The following C1orf21 variants were observed in gnomAD, a reference collection of about 807,000 sequenced individuals.
C1orf21 encodes chromosome 1 open reading frame 21.
Under a neutral mutation model 18.7 loss-of-function variants are expected in C1orf21, and 3 were observed. The observed-to-expected ratio is 0.16, with a 90% CI of 0.07 to 0.42. The LOEUF (loss-of-function observed/expected upper bound fraction) is 0.42, where lower values mean the gene tolerates loss of function less well. Ranked by LOEUF, C1orf21 falls within the 10% of genes least tolerant of loss-of-function variation. The pLI is 0.99. For synonymous variants in C1orf21, 41 were observed against 46.4 expected (o/e 0.88, Z 0.47); for missense variants, 104 against 143.6 (o/e 0.72, Z 1.41).
intron 1 of C1orf21, among the ~76,000 whole-genome samples, chr1:184,475,175 G>C (rs963245571): frequency 6.6e-5 from 10 of 152,150 alleles, no homozygotes; most frequent in African/African-American, 2.4e-4. Flanking sequence ...CAGGTTGACA[G>C]AATGGACCTC....
At chr1:184,420,164 G>C (rs1235146741) in intron 1 of C1orf21, among the ~76,000 whole-genome samples, 1 of 151,724 alleles carries the variant, frequency 6.6e-6, no homozygotes, top group East Asian at 1.9e-4. Context: ...TGAAATATCT[G>C]ATTACTCTCT....
chr1:184,433,169 A>G (rs556004910), intron 1 of C1orf21, among the ~76,000 whole-genome samples: 3 of 152,140 alleles, frequency 2.0e-5, no homozygotes, highest in Non-Finnish European at 2.9e-5. Context: ...CCATGATTGT[A>G]GGGATGTGGT....
intron 1 of C1orf21, among the ~76,000 whole-genome samples, chr1:184,447,062 C>A (rs1434456048): frequency 6.6e-6 from 1 of 152,064 alleles, no homozygotes; most frequent in Non-Finnish European, 1.5e-5. Flanking sequence ...CTGTACTGCC[C>A]ATTACTTCAC....
chr1:184,460,497 G>T (rs937277260), intron 1 of C1orf21, among the ~76,000 whole-genome samples: 7 of 149,162 alleles, frequency 4.7e-5, no homozygotes, highest in Non-Finnish European at 8.9e-5. Context: ...CAAGCAGAGG[G>T]AATAAAAATG....
rs541995632 is a variant in C1orf21, at chr1:184,628,922, T to C, written c.*9366T>C. 8 of 152,770 alleles carry C rather than the reference T, an allele frequency of 5.2e-5. No homozygotes were observed. The East Asian group carries it at 1.5e-3, about 29-fold the overall frequency. 9.5% of individuals were successfully genotyped at this position (152,770 alleles called of 1,614,324 possible). ...CCATTTTGAAAAGGGTCTGAGAAAGTGTACAGGTCTAATTATATATACATA... is the reference window on the plus strand; with the variant it reads ...CCATTTTGAAAAGGGTCTGAGAAAGCGTACAGGTCTAATTATATATACATA... On this transcript the variant is annotated 3_prime_UTR_variant, in exon 6 of 6. Coordinates refer to ENST00000235307, the MANE Select transcript of C1orf21 (RefSeq NM_030806.4).
chr1:184,478,839 A>G (rs75770356), intron 2 of C1orf21, among the ~76,000 whole-genome samples: 3 of 152,156 alleles, frequency 2.0e-5, no homozygotes, highest in African/African-American at 7.2e-5. Flanking sequence ...CACTTCTTCA[A>G]CTCTTAGTAA....
intron 3 of C1orf21, among the ~76,000 whole-genome samples, chr1:184,513,796 T>TTG: frequency 6.6e-6 from 1 of 152,366 alleles, no homozygotes; most frequent in African/African-American, 2.4e-5. Context: ...GCCAAATGCT[T>TTG]TGGAAAGTCT....
At chr1:184,612,573 A>G (rs1057476785) in intron 5 of C1orf21, among the ~76,000 whole-genome samples, 2 of 152,144 alleles carry the variant, frequency 1.3e-5, no homozygotes, top group Non-Finnish European at 2.9e-5. Flanking sequence ...TAAAAATACA[A>G]AAATTAGCCA....
At chr1:184,517,023 T>C (rs1658240755) in intron 3 of C1orf21, among the ~76,000 whole-genome samples, 1 of 152,198 alleles carries the variant, frequency 6.6e-6, no homozygotes, top group Non-Finnish European at 1.5e-5. Context: ...TCCGAAGCAT[T>C]TGATTGATTG....
rs201196718 is a variant in C1orf21, at chr1:184,577,947, G to GTTTTTTTTT, written c.190-12787_190-12786insTTTTTTTTT. ...TCTTTGTCCGTTTGTTTTTTGTTTT[G>GTTTTTTTTT]TTTTTGTTTTTTTTTTTTTTTTTTG... On this transcript the variant is annotated intron_variant, in intron 3 of 5. Transcript: ENST00000235307. Among the ~76,000 whole-genome samples, 89 of 86,716 alleles carry GTTTTTTTTT rather than the reference G, an allele frequency of 1.0e-3. 4 individuals are homozygous for GTTTTTTTTT. The highest frequency in any genetic ancestry group is 4.8e-3 in the African/African-American group (86 of 18,102). 56.9% of individuals were successfully genotyped at this position (86,716 alleles called of 152,430 possible).
chr1:184,475,725 A>G (rs1557981731), intron 1 of C1orf21, among the ~76,000 whole-genome samples: 1 of 143,404 alleles, frequency 7.0e-6, no homozygotes, highest in Non-Finnish European at 1.5e-5. Flanking sequence ...CTGCTAAATA[A>G]TGGAATAGGG....
At chr1:184,442,935 ATAATT>A (rs562334056) in intron 1 of C1orf21, among the ~76,000 whole-genome samples, 225 of 152,350 alleles carry the variant, frequency 1.5e-3, no homozygotes, top group Middle Eastern at 0.014. Context: ...AGCATTTAAA[ATAATT>A]TAACATTGTG....
chr1:184,550,101 G>A (rs1489277930), intron 3 of C1orf21, among the ~76,000 whole-genome samples: 1 of 152,214 alleles, frequency 6.6e-6, no homozygotes, highest in African/African-American at 2.4e-5. Flanking sequence ...AAGTCATGAT[G>A]TGACAAAATG....
chr1:184,590,938 A>C, intron 4 of C1orf21, 123 bp downstream of exon 4: 1 of 984,262 alleles, frequency 1.0e-6, no homozygotes, highest in Admixed American at 2.4e-5. Flanking sequence ...CAAAGTTCCA[A>C]AAAACAAAAT....
intron 1 of C1orf21, among the ~76,000 whole-genome samples, chr1:184,395,218 A>G (rs1245477576): frequency 6.6e-6 from 1 of 152,028 alleles, no homozygotes; most frequent in East Asian, 1.9e-4. Flanking sequence ...GCCAAATGTA[A>G]ACCCTTCTAT....
intron 5 of C1orf21, among the ~76,000 whole-genome samples, chr1:184,619,184 A>C (rs1250648418): frequency 6.6e-6 from 1 of 152,130 alleles, no homozygotes; most frequent in Non-Finnish European, 1.5e-5. Flanking sequence ...ATTCTTCCTG[A>C]TAAGAAATTG....
chr1:184,617,446 G>A (rs1659845367), intron 5 of C1orf21, among the ~76,000 whole-genome samples: 1 of 152,206 alleles, frequency 6.6e-6, no homozygotes, highest in African/African-American at 2.4e-5. Flanking sequence ...ACATTTGTAT[G>A]TGTCTTGTTC....
chr1:184,417,939 A>AC (rs1162222511), intron 1 of C1orf21, among the ~76,000 whole-genome samples: 1 of 151,940 alleles, frequency 6.6e-6, no homozygotes, highest in Non-Finnish European at 1.5e-5. Context: ...CTCTTTGCTG[A>AC]CCTCCCTCTC....
chr1:184,402,752 A>G (rs16823118), intron 1 of C1orf21, among the ~76,000 whole-genome samples: 11,472 of 152,146 alleles, frequency 0.075, 1,264 homozygotes, highest in African/African-American at 0.24. Context: ...TCATGTTCCA[A>G]TACCCTACTG....
Sources: allele counts gnomAD v4.1 joint callset (sites outside exome capture counted in the v4.1 genomes callset), GRCh38; gene constraint gnomAD v4.1.1; transcripts MANE v1.5; gene names NCBI Gene and HGNC (gene_info 2026-07-23, HGNC 2026-07-21).